Variants in WDR26 observed in about 807,000 individuals in gnomAD.
WDR26 encodes WD repeat domain 26.
WDR26 carries 5 observed loss-of-function variants against 84.1 expected under a neutral mutation model. The observed-to-expected ratio is 0.06, with a 90% CI of 0.03 to 0.13. WDR26 has a LOEUF of 0.13. WDR26 is among the 10% of genes least tolerant of loss of function. WDR26 has a pLI of 1.00. For synonymous variants in WDR26, 415 were observed against 389.6 expected (o/e 1.07, Z -0.77); for missense variants, 642 against 974.9 (o/e 0.66, Z 4.55).
intron 8 of WDR26, among the ~76,000 whole-genome samples, chr1:224,404,076 A>C (rs1201410712): frequency 6.6e-6 from 1 of 152,214 alleles, no homozygotes; most frequent in Admixed American, 6.5e-5. Context: ...AGAATCGAAA[A>C]TTTGGTTTAA....
intron 8 of WDR26, chr1:224,402,114 G>C (rs1304407407): frequency 3.3e-5 from 5 of 152,310 alleles, no homozygotes; most frequent in African/African-American, 1.2e-4. Context: ...GTTTTCCTGT[G>C]AGAAATGGGT....
intron 4 of WDR26, among the ~76,000 whole-genome samples, chr1:224,420,221 G>A (rs1474167312): frequency 6.6e-6 from 1 of 152,218 alleles, no homozygotes; most frequent in Admixed American, 6.5e-5. Flanking sequence ...CAAAACTGGG[G>A]AACTGTTTTA....
intron 12 of WDR26, among the ~76,000 whole-genome samples, chr1:224,396,536 T>C (rs1199550749): frequency 2.0e-5 from 3 of 152,148 alleles, no homozygotes; most frequent in East Asian, 3.8e-4. Context: ...AAAAAGCCAA[T>C]AGAGAATCTA....
intron 6 of WDR26, among the ~76,000 whole-genome samples, chr1:224,415,073 A>G (rs1366774306): frequency 2.0e-5 from 3 of 152,214 alleles, no homozygotes; most frequent in Non-Finnish European, 4.4e-5. Flanking sequence ...CAGTTTAGCA[A>G]TAAAGGGCAT....
intron 6 of WDR26, among the ~76,000 whole-genome samples, chr1:224,412,206 T>C (rs1351678641): frequency 6.6e-6 from 1 of 152,160 alleles, no homozygotes; most frequent in Non-Finnish European, 1.5e-5. Flanking sequence ...ATTTCTGGAA[T>C]GTAAGAGATA....
intron 6 of WDR26, 51 bp downstream of exon 6, chr1:224,418,209 A>G: frequency 6.6e-7 from 1 of 1,514,860 alleles, no homozygotes; most frequent in Non-Finnish European, 8.9e-7. Context: ...AGAAAACTAA[A>G]ATTTTGTAAA....
intron 13 of WDR26, among the ~76,000 whole-genome samples, chr1:224,391,837 T>C (rs1412303704): frequency 6.6e-6 from 1 of 152,210 alleles, no homozygotes; most frequent in Non-Finnish European, 1.5e-5. Context: ...GAAAAGGACA[T>C]TATAGCCAAA....
At position 224,389,355 on chromosome 1, in the gene WDR26, G is replaced by A. The variant is rs568079755; in HGVS notation, c.*480C>T. The A allele has an allele frequency of 3.6e-5, 9 of 250,130 alleles. No individual in the cohort carries two copies. In the South Asian group the frequency reaches 8.5e-4, roughly 24 times the overall value. The allele number at this position is 250,130 out of a possible 1,614,324, so 15.5% of individuals were successfully genotyped here. A position where few individuals can be genotyped will look rare whatever the true frequency, so the allele number is the denominator to read the frequency against. On this transcript the variant is annotated 3_prime_UTR_variant, in exon 14 of 14. Coordinates refer to ENST00000414423, the MANE Select transcript of WDR26 (RefSeq NM_001379403.1). The stretch of plus-strand genomic sequence containing the variant: ...GCAAAGATCTCAAGCTAAATAAGGC[G>A]GAAAGATTTGGAGAAACAAAAGAAG...
chr1:224,420,682 A>G (rs1674034679), intron 4 of WDR26, among the ~76,000 whole-genome samples: 1 of 152,160 alleles, frequency 6.6e-6, no homozygotes, highest in Non-Finnish European at 1.5e-5. Context: ...TAGTACATAA[A>G]TAGTGCTTTA....
At chr1:224,394,505 C>CTTTT (rs34687215) in intron 12 of WDR26, among the ~76,000 whole-genome samples, 3 of 146,554 alleles carry the variant, frequency 2.0e-5, no homozygotes, top group Non-Finnish European at 3.0e-5. Flanking sequence ...TCTGCTTATC[C>CTTTT]TTTTTTTTTT....
At chr1:224,428,727 T>C (rs1198978812) in intron 3 of WDR26, among the ~76,000 whole-genome samples, 1 of 146,334 alleles carries the variant, frequency 6.8e-6, no homozygotes, top group African/African-American at 2.6e-5. Context: ...TGAAAACCCA[T>C]CTCTACTAAA....
rs369486412 is a variant in WDR26, at chr1:224,433,959, G to A, written c.447C>T (p.Ser149=). 9.5e-4 allele frequency: 1,462 copies of A among 1,531,874 alleles called. 14 individuals are homozygous for A. The African/African-American group carries it at 0.018, about 19-fold the overall frequency. 94.9% of individuals were successfully genotyped at this position (1,531,874 alleles called of 1,614,324 possible). A position where few individuals can be genotyped will look rare whatever the true frequency, so the allele number is the denominator to read the frequency against. Residue 149 remains serine, a synonymous_variant, in exon 1 of 14, where the codon TCC becomes TCT. Transcript: ENST00000414423. ...CATTGGCGTGGGCCAGGTCCCCCGC[G>A]GACGACGACGACGAGGGGGACGACT... is the stretch of plus-strand genomic sequence containing the variant.
chr1:224,425,870 T>C (rs892087008), intron 3 of WDR26, among the ~76,000 whole-genome samples: 3 of 152,192 alleles, frequency 2.0e-5, no homozygotes, highest in African/African-American at 7.2e-5. Context: ...TTTTCTTCTT[T>C]TTTTTTTGAG....
chr1:224,421,773 G>GA (rs1037643942), intron 4 of WDR26, among the ~76,000 whole-genome samples: 4 of 152,030 alleles, frequency 2.6e-5, no homozygotes, highest in Non-Finnish European at 4.4e-5. Context: ...CAAACAACAA[G>GA]AAAAAAACCT....
rs1673333616 is a variant in WDR26, at chr1:224,398,925, C to T, written c.1829G>A (p.Arg610Gln). ...TGTAAGGTCCTCGAAGTTATAGCCC[C>T]GAATTCGCTGGTGTGTATCTGATGC... Residue 610 changes from arginine (R) to glutamine (Q), a missense_variant, in exon 10 of 14, where the codon CGG (arginine) becomes CAG (glutamine). Physicochemically the swap from Arg to Gln is conservative, Grantham distance 43 (BLOSUM62 1). Transcript: ENST00000414423. 6.2e-7 allele frequency: 1 copy of T among 1,613,880 alleles called. No individual in the cohort carries two copies. The highest frequency in any genetic ancestry group is 8.5e-7 in the Non-Finnish European group (1 of 1,179,924).
intron 1 of WDR26, 109 bp downstream of exon 1, chr1:224,433,575 T>C (rs1674472983): frequency 2.2e-6 from 3 of 1,381,906 alleles, no homozygotes; most frequent in Admixed American, 5.8e-5. Context: ...CTCATTCTCT[T>C]TGACCGAGCT....
intron 7 of WDR26, among the ~76,000 whole-genome samples, chr1:224,405,624 C>T (rs1471974225): frequency 1.3e-5 from 2 of 152,122 alleles, no homozygotes; most frequent in Non-Finnish European, 1.5e-5. Context: ...GAATATTACC[C>T]CCTCTCATAT....
intron 1 of WDR26, among the ~76,000 whole-genome samples, chr1:224,432,634 G>A (rs1373016746): frequency 1.3e-5 from 2 of 152,116 alleles, no homozygotes; most frequent in Non-Finnish European, 2.9e-5. Flanking sequence ...CCTGAAAACC[G>A]AAATACTTGT....
At chr1:224,416,089 GGA>G (rs761301970) in intron 6 of WDR26, among the ~76,000 whole-genome samples, 4 of 152,134 alleles carry the variant, frequency 2.6e-5, no homozygotes, top group Non-Finnish European at 5.9e-5. Flanking sequence ...AAGTGGAGGG[GGA>G]GAGAGAAAGA....
Sources: gnomAD v4.1 joint callset for allele counts (sites outside exome capture counted in the v4.1 genomes callset) on GRCh38, gnomAD v4.1.1 for gene constraint, MANE v1.5 for transcripts, NCBI Gene and HGNC (gene_info 2026-07-23, HGNC 2026-07-21) for gene names.